The following AKAP13 variants were observed in gnomAD, a reference collection of about 807,000 sequenced individuals.
AKAP13 encodes the protein A-kinase anchoring protein 13.
In AKAP13, 80 loss-of-function variants were observed where a neutral mutation model predicts 264.5. That is an observed-to-expected ratio of 0.30 (90% CI 0.25 to 0.36). The LOEUF (loss-of-function observed/expected upper bound fraction) is 0.36, where lower values mean the gene tolerates loss of function less well. Ranked by LOEUF, AKAP13 falls within the 10% of genes least tolerant of loss-of-function variation. The pLI, the probability that AKAP13 is intolerant of heterozygous loss-of-function variation, is 1.00. For synonymous variants in AKAP13, 1,380 were observed against 1,250.2 expected (o/e 1.10, Z -2.19); for missense variants, 3,712 against 3,435.2 (o/e 1.08, Z -2.01).
rs2079117517 is a variant in AKAP13 at position 85,579,724 on chromosome 15, A to G, written c.1656A>G (p.Ser552=). 2 of 1,614,220 alleles carry G rather than the reference A, an allele frequency of 1.2e-6. No homozygotes were observed. The highest frequency in any genetic ancestry group is 1.7e-5 in the Admixed American group (1 of 60,028). The change falls in exon 7 of 37, where the codon TCA becomes TCG. Residue 552 remains serine, a synonymous_variant. Transcript: ENST00000394518. ...ATGGTAACAAACCTGCTGAGTCTTC[A>G]CTTGCATTTAGTAATGAAGAAACCT... The part of the protein sequence containing the change: ...SLDGNKPAES[S]LAFSNEETST...
At chr15:85,397,808 G>T (rs958691880) in intron 1 of AKAP13, among the ~76,000 whole-genome samples, 1 of 152,194 alleles carries the variant, frequency 6.6e-6, no homozygotes, top group African/African-American at 2.4e-5. Flanking sequence ...ATAAGATGTA[G>T]TCACTGCCCT....
intron 4 of AKAP13, among the ~76,000 whole-genome samples, chr15:85,541,984 A>G (rs950416588): frequency 1.4e-4 from 21 of 152,204 alleles, no homozygotes; most frequent in Non-Finnish European, 4.4e-5. Context: ...AACAAATCAG[A>G]AGAGTGGTTG....
chr15:85,718,948 T>A lies in AKAP13; in HGVS notation c.6002-128T>A, dbSNP rs967873182. ...AACGAGAACACTTTTAGGGGAAAGA[T>A]AGCTGTTGACCCAATTTTAAGGTTC... On this transcript the variant is annotated intron_variant, in intron 22 of 36. Coordinates refer to ENST00000394518, the MANE Select transcript of AKAP13 (RefSeq NM_007200.5). This position sits in a 1 kb window ranked among gnomAD's most constrained non-coding sequence, Gnocchi z 4.9. 4 of 1,289,306 alleles carry A rather than the reference T, an allele frequency of 3.1e-6. No homozygotes were observed. Among genetic ancestry groups the A allele is most frequent in the Non-Finnish European group, 2.1e-6 (2 of 941,766 alleles). The allele number at this position is 1,289,306 out of a possible 1,614,324, so 79.9% of individuals were successfully genotyped here.
At chr15:85,622,999 G>T (rs1300956447) in intron 8 of AKAP13, among the ~76,000 whole-genome samples, 1 of 152,052 alleles carries the variant, frequency 6.6e-6, no homozygotes, top group Non-Finnish European at 1.5e-5. Context: ...AGTTCATTTT[G>T]TCCCATGATT....
At chr15:85,479,584 A>G (rs1596303200) in intron 1 of AKAP13, among the ~76,000 whole-genome samples, 2 of 152,066 alleles carry the variant, frequency 1.3e-5, no homozygotes, top group East Asian at 1.9e-4. Context: ...GCCCCCTCCT[A>G]TTTTTTTGTG....
chr15:85,617,146 C>G (rs2080971596), intron 8 of AKAP13, among the ~76,000 whole-genome samples: 2 of 152,202 alleles, frequency 1.3e-5, no homozygotes, highest in Non-Finnish European at 2.9e-5. Context: ...CTTGCCTCCA[C>G]TAGAAGTCAC....
intron 1 of AKAP13, among the ~76,000 whole-genome samples, chr15:85,456,236 G>C (rs1176347912): frequency 6.6e-6 from 1 of 152,152 alleles, no homozygotes; most frequent in Non-Finnish European, 1.5e-5. Flanking sequence ...AGCAAAATCA[G>C]AGGTGTTTAA....
At position 85,725,125 on chromosome 15, in the gene AKAP13, A is replaced by G. The variant is rs559278568; in HGVS notation, c.6746-1285A>G. ...TTTATTTATTCCCAAAATAAAAACT[A>G]GTAGATTCCAGCTGTTGCAATAAAG... On this transcript the variant is annotated intron_variant, in intron 26 of 36. Transcript: ENST00000394518. 6.6e-5 allele frequency among the ~76,000 whole-genome samples: 10 copies of G among 152,320 alleles called. No homozygotes were observed. In the South Asian group the frequency reaches 2.1e-3, roughly 32 times the overall value.
In AKAP13 at chr15:85,748,488, G is replaced by A. The variant is rs185208835; in HGVS notation, c.*3811G>A. On this transcript the variant is annotated 3_prime_UTR_variant, in exon 37 of 37. Transcript: ENST00000394518. Reference sequence around the variant, plus strand: ...CGTCCCAGCCAGCCCCGTCGCTCTCGTCCATCCTCAGAGACAAAGAAGAGG... The same window carrying A: ...CGTCCCAGCCAGCCCCGTCGCTCTCATCCATCCTCAGAGACAAAGAAGAGG... The A allele has an allele frequency of 1.6e-4, 24 of 152,378 alleles. No homozygotes were observed. The East Asian group carries it at 3.3e-3, about 21-fold the overall frequency. 9.4% of individuals were successfully genotyped at this position (152,378 alleles called of 1,614,324 possible). A position where few individuals can be genotyped will look rare whatever the true frequency, so the allele number is the denominator to read the frequency against.
In AKAP13 at chr15:85,498,212, A is replaced by ATATATATATATATATATATATATATATAT. The variant is rs1217645309; in HGVS notation, c.33+12474_33+12475insATATATATATATATTATATATATATATAT. Among the ~76,000 whole-genome samples the ATATATATATATATATATATATATATATAT allele has an allele frequency of 4.0e-4, 57 of 141,304 alleles. 1 individual carries two copies. The highest frequency in any genetic ancestry group is 6.6e-4 in the Non-Finnish European group (43 of 65,054). 92.7% of individuals were successfully genotyped at this position (141,304 alleles called of 152,430 possible). ...TAAATGAAGTGAGATATATATATAT[A>ATATATATATATATATATATATATATATAT]TATATATATATATATCACATTGAGC... On this transcript the variant is annotated intron_variant, in intron 2 of 36. Transcript: ENST00000394518.
chr15:85,710,670 A>G (rs202055061), intron 19 of AKAP13, 25 bp downstream of exon 19: 292 of 1,609,816 alleles, frequency 1.8e-4, no homozygotes, highest in Middle Eastern at 1.2e-3. Flanking sequence ...CCACCTCTCA[A>G]TTCCCTTTCT....
At chr15:85,385,749 G>T (rs1001285293) in intron 1 of AKAP13, among the ~76,000 whole-genome samples, 2 of 152,066 alleles carry the variant, frequency 1.3e-5, no homozygotes, top group East Asian at 3.8e-4. Flanking sequence ...ATGAGTTTTT[G>T]TATATACTTT....
In AKAP13 at chr15:85,749,271, TTATC is replaced by T. The variant is rs1228886404; in HGVS notation, c.*4596_*4599del. ...ACAACATACTGGCTTCGTATTTTAT[TTATC>T]TTTCTTTCTAGTTACCAGCTTCAGA... On this transcript the variant is annotated 3_prime_UTR_variant, in exon 37 of 37. Transcript: ENST00000394518. The T allele has an allele frequency of 1.3e-5, 2 of 152,370 alleles. No homozygotes were observed. The highest frequency in any genetic ancestry group is 1.9e-4 in the East Asian group (1 of 5,190). 9.4% of individuals were successfully genotyped at this position (152,370 alleles called of 1,614,324 possible). A position where few individuals can be genotyped will look rare whatever the true frequency, so the allele number is the denominator to read the frequency against.
chr15:85,621,716 C>T (rs1047175072), intron 8 of AKAP13, among the ~76,000 whole-genome samples: 1 of 152,130 alleles, frequency 6.6e-6, no homozygotes, highest in African/African-American at 2.4e-5. Flanking sequence ...ATATACGTTA[C>T]TTAATTTGAG....
rs191048678 is a variant in AKAP13 at position 85,651,339 on chromosome 15, G to T, written c.4375-4078G>T. 3.9e-5 allele frequency among the ~76,000 whole-genome samples: 6 copies of T among 152,206 alleles called. No homozygotes were observed. The East Asian group carries it at 1.2e-3, about 29-fold the overall frequency. ...TGCTCTATTATGTAACTATATATCT[G>T]TCCATCCTTCTGTCCACCCAGTTTG... On this transcript the variant is annotated intron_variant, in intron 10 of 36. Transcript: ENST00000394518.
intron 23 of AKAP13, among the ~76,000 whole-genome samples, chr15:85,721,207 C>T (rs1209310846): frequency 6.6e-6 from 1 of 152,214 alleles, no homozygotes; most frequent in Non-Finnish European, 1.5e-5. Context: ...TTTGCTCGTT[C>T]TGTGTGCCAG....
Position 85,601,610 on chromosome 15 carries a change from G to A in AKAP13, c.4161+15787G>A, listed in dbSNP as rs187257102. Among the ~76,000 whole-genome samples the A allele has an allele frequency of 2.5e-5, 3 of 121,880 alleles. No individual in the cohort carries two copies. The Admixed American group carries it at 2.8e-4, about 11-fold the overall frequency. The allele number at this position is 121,880 out of a possible 152,430, so 80.0% of individuals were successfully genotyped here. ...TCATCTTCTCTCACCTGAATTCTTTGTGTGTGTGTGTGTGTGTGTGTGTGT... is the reference window on the plus strand; with the variant it reads ...TCATCTTCTCTCACCTGAATTCTTTATGTGTGTGTGTGTGTGTGTGTGTGT... On this transcript the variant is annotated intron_variant, in intron 8 of 36. Coordinates refer to ENST00000394518, the MANE Select transcript of AKAP13 (RefSeq NM_007200.5).
chr15:85,578,221 T>C (rs2079078628), intron 6 of AKAP13, among the ~76,000 whole-genome samples: 1 of 152,196 alleles, frequency 6.6e-6, no homozygotes, highest in African/African-American at 2.4e-5. Flanking sequence ...AGTTCAAGGC[T>C]GCGGTGAGCT....
At chr15:85,441,623 A>G (rs182552064) in intron 1 of AKAP13, among the ~76,000 whole-genome samples, 68 of 152,094 alleles carry the variant, frequency 4.5e-4, no homozygotes, top group African/African-American at 1.5e-3. Flanking sequence ...TCTTGTAGAT[A>G]TTTCATAGTT....
Sources: allele counts gnomAD v4.1 joint callset (sites outside exome capture counted in the v4.1 genomes callset), GRCh38; gene constraint gnomAD v4.1.1; non-coding constraint Gnocchi (gnomAD v3.1); transcripts MANE v1.5; gene names NCBI Gene and HGNC (gene_info 2026-07-23, HGNC 2026-07-21).